VSTM1: variants seen among roughly 807,000 people sequenced by gnomAD.
The protein encoded by VSTM1 is V-set and transmembrane domain containing 1, also known as V-set and transmembrane domain-containing protein 1.
A neutral mutation model predicts 33.1 loss-of-function variants in VSTM1; 27 were observed. The observed-to-expected ratio is 0.82, with a 90% CI of 0.60 to 1.12. VSTM1 has a LOEUF of 1.12. VSTM1 is among the 50% of genes most tolerant of loss of function. The pLI, the probability that VSTM1 is intolerant of heterozygous loss-of-function variation, is 0.00. For synonymous variants in VSTM1, 115 were observed against 110.3 expected (o/e 1.04, Z -0.27); for missense variants, 304 against 288.9 (o/e 1.05, Z -0.38).
chr19:54,049,284 T>C (rs1369716992), intron 4 of VSTM1, among the ~76,000 whole-genome samples: 6 of 152,066 alleles, frequency 3.9e-5, no homozygotes, highest in African/African-American at 1.2e-4. Context: ...ACACAAAATG[T>C]CCAGAATAGA....
chr19:54,061,561 A>G (rs1220352109), intron 1 of VSTM1, among the ~76,000 whole-genome samples: 2 of 152,120 alleles, frequency 1.3e-5, no homozygotes, highest in Non-Finnish European at 2.9e-5. Context: ...GGCTGCAATC[A>G]TAGTGCTTTG....
rs950584786 is a variant in VSTM1, at chr19:54,054,308, G to T, written c.356-2860C>A. ...GCGAGGCTTTTAGGGCTAAAGTGTG[G>T]GTGCAGAAATTCTTAAGACTACAAG... On this transcript the variant is annotated intron_variant, in intron 3 of 8. Coordinates refer to ENST00000338372, the MANE Select transcript of VSTM1 (RefSeq NM_198481.4). Among the ~76,000 whole-genome samples the T allele has an allele frequency of 2.1e-4, 30 of 142,136 alleles. 7 individuals carry two copies. Among genetic ancestry groups the T allele is most frequent in the African/African-American group, 7.5e-4 (29 of 38,690 alleles). The allele number at this position is 142,136 out of a possible 152,430, so 93.2% of individuals were successfully genotyped here.
chr19:54,055,596 C>A (rs2071048972), intron 3 of VSTM1: 1 of 143,298 alleles, frequency 7.0e-6, no homozygotes, highest in South Asian at 2.3e-4. Context: ...TTTCCACTGT[C>A]ATTACTTGTC....
At chr19:54,058,867 T>G (rs1424777692) in intron 1 of VSTM1, 135 bp from the exon 2 acceptor site, 1 of 385,970 alleles carries the variant, frequency 2.6e-6, no homozygotes, top group African/African-American at 2.1e-5. Context: ...TTATATATAA[T>G]AAATGTATTA....
chr19:54,056,951 CAA>C (rs1363238889), intron 3 of VSTM1, among the ~76,000 whole-genome samples: 1 of 139,862 alleles, frequency 7.1e-6, no homozygotes, highest in African/African-American at 2.6e-5. Context: ...CTTCTGGGCT[CAA>C]GAGATTCTCT....
At position 54,041,007 on chromosome 19, in the gene VSTM1, G is replaced by C. The variant is rs2070230242; in HGVS notation, c.665C>G (p.Thr222Ser). The C allele has an allele frequency of 6.2e-7, 1 of 1,610,392 alleles. No homozygotes were observed. The change falls in exon 9 of 9, where the codon ACC becomes AGC. Residue 222 changes from threonine to serine, a missense_variant. Thr to Ser is a moderately conservative substitution (Grantham distance 58). Transcript: ENST00000338372. ...SALSEAASDT[T>S]QEPPGSHEYA... ...TTCATGAGATCCTGGGGGCTCCTGG[G>C]TGGTGTCTGAAGCTGCCTCAGACAG...
intron 3 of VSTM1, among the ~76,000 whole-genome samples, chr19:54,054,098 A>AT (rs1568469816): frequency 7.0e-6 from 1 of 142,084 alleles, no homozygotes; most frequent in East Asian, 2.0e-4. Flanking sequence ...AAAAAGTAGT[A>AT]TAATAAAGTG....
At chr19:54,063,615 C>G in intron 1 of VSTM1, 129 bp downstream of exon 1, 1 of 1,187,024 alleles carries the variant, frequency 8.4e-7, no homozygotes. Context: ...CAGCCCAGAC[C>G]CACCCACCGC....
At chr19:54,041,415 G>A (rs1045514389) in intron 8 of VSTM1, among the ~76,000 whole-genome samples, 2 of 151,732 alleles carry the variant, frequency 1.3e-5, no homozygotes, top group Admixed American at 1.3e-4. Flanking sequence ...CATTCTCCTG[G>A]CTCAGCCTCC....
intron 3 of VSTM1, among the ~76,000 whole-genome samples, chr19:54,052,225 C>T (rs942246243): frequency 3.0e-4 from 45 of 150,770 alleles, no homozygotes; most frequent in East Asian, 4.0e-4. Context: ...GGTGAAACCC[C>T]GTCTCTACTA....
intron 3 of VSTM1, among the ~76,000 whole-genome samples, chr19:54,052,209 T>C (rs992190812): frequency 3.3e-5 from 5 of 149,352 alleles, no homozygotes; most frequent in East Asian, 2.1e-4. Flanking sequence ...CCATCCTGGC[T>C]AACATGGTGA....
intron 4 of VSTM1, among the ~76,000 whole-genome samples, chr19:54,045,295 C>T (rs1207964924): frequency 1.3e-5 from 2 of 152,122 alleles, no homozygotes; most frequent in African/African-American, 4.8e-5. Flanking sequence ...TACCTACTTA[C>T]CTATCATCTA....
At position 54,059,950 on chromosome 19, in the gene VSTM1, C is replaced by CCATT. The variant is rs529460838; in HGVS notation, c.35-1222_35-1219dup. ...GCAAGCTCTGCCTCCCGGGTTCACG[C>CCATT]CATTCTCCTGCCTCGGCCTCCCGAG... On this transcript the variant is annotated intron_variant, in intron 1 of 8. Coordinates refer to ENST00000338372, the MANE Select transcript of VSTM1 (RefSeq NM_198481.4). Among the ~76,000 whole-genome samples the CCATT allele has an allele frequency of 1.3e-4, 20 of 151,582 alleles. No homozygotes were observed. In the East Asian group the frequency reaches 3.9e-3, roughly 30 times the overall value.
intron 3 of VSTM1, among the ~76,000 whole-genome samples, chr19:54,056,214 C>CTTTTTTTTTTTTTTTT (rs869203085): frequency 8.2e-4 from 32 of 39,180 alleles, no homozygotes; most frequent in African/African-American, 1.8e-3. Flanking sequence ...CTTTTCTTTT[C>CTTTTTTTTTTTTTTTT]TTTTTTTTTT....
intron 3 of VSTM1, among the ~76,000 whole-genome samples, chr19:54,056,898 G>T (rs2071126020): frequency 7.2e-6 from 1 of 138,564 alleles, no homozygotes; most frequent in Admixed American, 7.5e-5. Context: ...TTTCATCCAG[G>T]CTGCAGTGCA....
At chr19:54,052,672 A>C (rs1295400968) in intron 3 of VSTM1, among the ~76,000 whole-genome samples, 1 of 142,402 alleles carries the variant, frequency 7.0e-6, no homozygotes, top group Non-Finnish European at 1.5e-5. Flanking sequence ...GACTGTGATA[A>C]TCATTACACA....
chr19:54,047,323 C>A (rs1309521481), intron 4 of VSTM1, among the ~76,000 whole-genome samples: 2 of 151,426 alleles, frequency 1.3e-5, no homozygotes, highest in Non-Finnish European at 2.9e-5. Flanking sequence ...TTGAGACAGT[C>A]TCACTCTGTC....
chr19:54,043,442 A>T (rs1264582152), intron 4 of VSTM1, among the ~76,000 whole-genome samples: 2 of 150,360 alleles, frequency 1.3e-5, no homozygotes, highest in African/African-American at 2.4e-5. Context: ...ACAAAGTCTC[A>T]CTCTTATCGT....
In VSTM1 at chr19:54,040,911, C is replaced by T. The variant is rs1243461321; in HGVS notation, c.*50G>A. 4.4e-6 allele frequency: 7 copies of T among 1,592,064 alleles called. No individual in the cohort carries two copies. The highest frequency in any genetic ancestry group is 1.8e-5 in the Admixed American group (1 of 55,746). ...ATCTGCATCTCCAGATTTCCGATAACCTTGGCCAGCACGATCCCCCCTCCT... is the reference window on the plus strand; with the variant it reads ...ATCTGCATCTCCAGATTTCCGATAATCTTGGCCAGCACGATCCCCCCTCCT... On this transcript the variant is annotated 3_prime_UTR_variant, in exon 9 of 9. Transcript: ENST00000338372.
Sources: allele counts gnomAD v4.1 joint callset (sites outside exome capture counted in the v4.1 genomes callset), GRCh38; gene constraint gnomAD v4.1.1; transcripts MANE v1.5; gene names NCBI Gene and HGNC (gene_info 2026-07-23, HGNC 2026-07-21).